Variants in RGS7 observed in about 807,000 individuals in gnomAD.
The protein encoded by RGS7 is regulator of G-protein signaling 7.
Under a neutral mutation model 81.1 loss-of-function variants are expected in RGS7, and 27 were observed. The ratio of observed to expected loss-of-function variants is 0.33; its 90% confidence interval spans 0.25 to 0.46. The LOEUF is 0.46. RGS7 is among the 20% of genes least tolerant of loss of function. RGS7 has a pLI of 1.00. For missense variants in RGS7, 396 were observed against 607.4 expected (o/e 0.65, Z 3.66); for synonymous variants, 208 against 207.7 (o/e 1.00, Z -0.01).
intron 4 of RGS7, among the ~76,000 whole-genome samples, chr1:240,957,693 C>A (rs1019813278): frequency 3.3e-5 from 5 of 152,096 alleles, no homozygotes; most frequent in Non-Finnish European, 4.4e-5. Context: ...TTAACCAGTA[C>A]CAATATTGGT....
intron 6 of RGS7, among the ~76,000 whole-genome samples, chr1:240,902,579 T>C (rs73116093): frequency 6.6e-6 from 1 of 152,152 alleles, no homozygotes; most frequent in Non-Finnish European, 1.5e-5. Flanking sequence ...CTGCCATATA[T>C]GCTCATATAT....
intron 3 of RGS7, among the ~76,000 whole-genome samples, chr1:241,042,917 T>C (rs992773380): frequency 7.3e-5 from 11 of 150,782 alleles, no homozygotes; most frequent in Admixed American, 7.3e-4. Context: ...GATTGCACCA[T>C]TGCACTCCAG....
chr1:241,069,739 G>A (rs562421533), intron 3 of RGS7, among the ~76,000 whole-genome samples: 83 of 152,152 alleles, frequency 5.5e-4, no homozygotes, highest in Non-Finnish European at 1.0e-3. Context: ...ACATATTTCC[G>A]AAACATCAGA....
chr1:241,226,452 A>C (rs1313393240), intron 2 of RGS7, among the ~76,000 whole-genome samples: 1 of 152,154 alleles, frequency 6.6e-6, no homozygotes, highest in Non-Finnish European at 1.5e-5. Context: ...AGTCTAAAGG[A>C]TTGGAAGTAC....
intron 6 of RGS7, among the ~76,000 whole-genome samples, chr1:240,906,930 A>T (rs1017138442): frequency 5.3e-5 from 8 of 152,212 alleles, no homozygotes; most frequent in African/African-American, 1.9e-4. Flanking sequence ...ACAGCTGCTT[A>T]AGAATAAGTT....
At chr1:241,055,060 A>C (rs1342000603) in intron 3 of RGS7, among the ~76,000 whole-genome samples, 2 of 152,234 alleles carry the variant, frequency 1.3e-5, no homozygotes, top group East Asian at 1.9e-4. Context: ...GCCACAGTGC[A>C]CCATATGTAG....
At chr1:241,325,470 G>T (rs932317851) in intron 2 of RGS7, among the ~76,000 whole-genome samples, 1 of 152,128 alleles carries the variant, frequency 6.6e-6, no homozygotes, top group African/African-American at 2.4e-5. Flanking sequence ...GGTAAAAAGG[G>T]TACTCATATT....
At chr1:240,919,969 T>C in intron 6 of RGS7, 11 of 1,347,996 alleles carry the variant, frequency 8.2e-6, no homozygotes, top group African/African-American at 1.4e-5. Context: ...GTGAAAAACA[T>C]ATTTGTTGGT....
intron 2 of RGS7, among the ~76,000 whole-genome samples, chr1:241,122,642 A>G (rs2066366738): frequency 6.6e-6 from 1 of 151,112 alleles, no homozygotes. Context: ...CAGCCTGGCC[A>G]GCAAGAGAGA....
chr1:240,872,319 T>A (rs747176073), intron 6 of RGS7, among the ~76,000 whole-genome samples: 1 of 152,130 alleles, frequency 6.6e-6, no homozygotes, highest in East Asian at 1.9e-4. Flanking sequence ...AAGCAGGGCA[T>A]GGTGGCTTAT....
intron 2 of RGS7, among the ~76,000 whole-genome samples, chr1:241,281,781 C>T (rs1041025438): frequency 6.6e-6 from 1 of 152,132 alleles, no homozygotes; most frequent in Non-Finnish European, 1.5e-5. Flanking sequence ...ATTATATATA[C>T]AAAATATGCT....
chr1:240,983,688 C>T (rs1476448545), intron 3 of RGS7, among the ~76,000 whole-genome samples: 1 of 152,194 alleles, frequency 6.6e-6, no homozygotes, highest in Admixed American at 6.6e-5. Flanking sequence ...CTTGGCCCTT[C>T]CCCTCGTCCA....
intron 3 of RGS7, among the ~76,000 whole-genome samples, chr1:241,070,105 G>GATCC (rs2062343412): frequency 1.3e-5 from 2 of 152,318 alleles, no homozygotes; most frequent in Non-Finnish European, 2.9e-5. Context: ...ACAGGGAGGT[G>GATCC]ATCCACACTT....
At chr1:240,828,834 T>C (rs1292959881) in intron 9 of RGS7, among the ~76,000 whole-genome samples, 1 of 152,172 alleles carries the variant, frequency 6.6e-6, no homozygotes, top group Non-Finnish European at 1.5e-5. Flanking sequence ...ATGTCTCTGC[T>C]CAATTTCTCT....
At chr1:240,984,318 A>T (rs1685349665) in intron 3 of RGS7, among the ~76,000 whole-genome samples, 1 of 152,210 alleles carries the variant, frequency 6.6e-6, no homozygotes, top group Non-Finnish European at 1.5e-5. Context: ...AAGGCAGTCG[A>T]CATGTCTACT....
chr1:240,863,345 T>G (rs113741258), intron 9 of RGS7, among the ~76,000 whole-genome samples: 2 of 151,964 alleles, frequency 1.3e-5, no homozygotes, highest in Non-Finnish European at 2.9e-5. Flanking sequence ...CGTGGTGGCA[T>G]GCGCCTGTAA....
At chr1:241,075,719 C>A (rs570177969) in intron 3 of RGS7, among the ~76,000 whole-genome samples, 94 of 152,214 alleles carry the variant, frequency 6.2e-4, no homozygotes, top group Non-Finnish European at 1.2e-3. Flanking sequence ...ACAAGCTTGC[C>A]CTAGATGATT....
intron 9 of RGS7, among the ~76,000 whole-genome samples, chr1:240,864,858 G>T (rs1353259676): frequency 6.6e-6 from 1 of 152,128 alleles, no homozygotes; most frequent in East Asian, 1.9e-4. Flanking sequence ...GAAGACAAAG[G>T]TTGTGATGCT....
intron 2 of RGS7, among the ~76,000 whole-genome samples, chr1:241,299,372 A>G (rs1231819557): frequency 6.6e-6 from 1 of 151,608 alleles, no homozygotes; most frequent in East Asian, 1.9e-4. Context: ...CTCTAAAAAT[A>G]CTACAGTTTT....
Sources: allele counts gnomAD v4.1 joint callset (sites outside exome capture counted in the v4.1 genomes callset), GRCh38; gene constraint gnomAD v4.1.1; transcripts MANE v1.5; gene names NCBI Gene and HGNC (gene_info 2026-07-23, HGNC 2026-07-21).